The following DSE variants were observed in gnomAD, a reference collection of about 807,000 sequenced individuals.
DSE encodes the protein dermatan-sulfate epimerase.
A neutral mutation model predicts 84.4 loss-of-function variants in DSE; 36 were observed. The ratio of observed to expected loss-of-function variants is 0.43; its 90% CI spans 0.33 to 0.56. The LOEUF (loss-of-function observed/expected upper bound fraction) is 0.56, where lower values mean the gene tolerates loss of function less well. Ranked by LOEUF, DSE falls within the 20% of genes least tolerant of loss-of-function variation. The probability of loss-of-function intolerance (pLI) is 0.06; values close to 1 mark genes in which losing one functional copy is unlikely to be tolerated. For missense variants in DSE, 862 were observed against 1,169.6 expected, an observed-to-expected ratio of 0.74 and a Z score of 3.84; for synonymous variants, 410 against 430.1, an observed-to-expected ratio of 0.95 and a Z score of 0.58.
At chr6:116,333,116 A>G (rs565156400) in intron 2 of DSE, among the ~76,000 whole-genome samples, 107 of 152,354 alleles carry the variant, frequency 7.0e-4, no homozygotes, top group African/African-American at 2.5e-3. Flanking sequence ...AAAATTTTCA[A>G]TGAAAACGGA....
chr6:116,408,790 G>A (rs1782104854), intron 2 of DSE, among the ~76,000 whole-genome samples: 2 of 152,222 alleles, frequency 1.3e-5, no homozygotes, highest in African/African-American at 4.8e-5. Flanking sequence ...TCTCCTCCCT[G>A]ATCCCTTGAA....
chr6:116,321,337 A>T (rs1358085693), intron 2 of DSE, among the ~76,000 whole-genome samples: 41 of 115,510 alleles, frequency 3.5e-4, no homozygotes, highest in East Asian at 7.3e-4. Context: ...CTAATTTTTC[A>T]TTTTTTTTTT....
intron 2 of DSE, among the ~76,000 whole-genome samples, chr6:116,276,307 AAAG>A (rs1773140700): frequency 6.6e-6 from 1 of 152,212 alleles, no homozygotes; most frequent in African/African-American, 2.4e-5. Flanking sequence ...AAGTTAATAA[AAAG>A]AAGAGCCTGA....
chr6:116,346,667 T>C (rs1777994146), intron 2 of DSE, among the ~76,000 whole-genome samples: 1 of 152,196 alleles, frequency 6.6e-6, no homozygotes, highest in African/African-American at 2.4e-5. Flanking sequence ...AATATCATAC[T>C]GAATGGGCAA....
exon 2 of DSE, chr6:116,258,618 A>C (rs765858479): frequency 5.6e-6 from 9 of 1,612,412 alleles, no homozygotes; most frequent in Non-Finnish European, 7.6e-6. Context: ...CAATGGTCTT[A>C]ATGTTCCGGA....
intron 2 of DSE, among the ~76,000 whole-genome samples, chr6:116,266,706 C>T (rs1772643826): frequency 6.6e-6 from 1 of 152,022 alleles, no homozygotes; most frequent in East Asian, 1.9e-4. Context: ...AATTAGAAAG[C>T]TTTGTGTCAG....
intron 1 of DSE, among the ~76,000 whole-genome samples, chr6:116,386,347 C>G (rs1336828455): frequency 6.6e-6 from 1 of 152,200 alleles, no homozygotes; most frequent in Non-Finnish European, 1.5e-5. Flanking sequence ...CCAAGACCAC[C>G]ATCAGCCTTG....
intron 2 of DSE, among the ~76,000 whole-genome samples, chr6:116,410,549 C>T (rs987447016): frequency 3.3e-5 from 5 of 151,816 alleles, no homozygotes; most frequent in Admixed American, 6.6e-5. Context: ...ATGGCTAACA[C>T]GGTGAAACCC....
chr6:116,406,309 C>T (rs1301895906), intron 2 of DSE, among the ~76,000 whole-genome samples: 1 of 152,060 alleles, frequency 6.6e-6, no homozygotes, highest in Non-Finnish European at 1.5e-5. Flanking sequence ...TGCCCCTCAC[C>T]CCATATGAAC....
intron 2 of DSE, among the ~76,000 whole-genome samples, chr6:116,265,492 G>A (rs1448440791): frequency 1.3e-5 from 2 of 152,122 alleles, no homozygotes; most frequent in South Asian, 2.1e-4. Flanking sequence ...CCATACAGAC[G>A]TGCTAGCAAA....
intron 2 of DSE, among the ~76,000 whole-genome samples, chr6:116,407,339 G>A (rs2115014267): frequency 6.6e-6 from 1 of 152,296 alleles, no homozygotes; most frequent in East Asian, 1.9e-4. Context: ...TGGTTTGTGG[G>A]AGAGAAAAGA....
intron 2 of DSE, among the ~76,000 whole-genome samples, chr6:116,272,420 T>C (rs1403875352): frequency 6.6e-6 from 1 of 152,204 alleles, no homozygotes; most frequent in East Asian, 1.9e-4. Context: ...GGCAAGGGAA[T>C]TTCAAAGACA....
chr6:116,418,561 T>C (rs910643098), intron 2 of DSE, among the ~76,000 whole-genome samples: 10 of 152,196 alleles, frequency 6.6e-5, no homozygotes, highest in Admixed American at 1.3e-4. Context: ...AGAATGGCAG[T>C]ATCTCTTCTT....
intron 2 of DSE, among the ~76,000 whole-genome samples, chr6:116,339,410 G>A (rs1777459289): frequency 4.0e-5 from 6 of 151,818 alleles, no homozygotes; most frequent in Admixed American, 3.9e-4. Context: ...AAGGGAACTG[G>A]TAAATACAGT....
At chr6:116,389,757 A>G (rs896065241) in intron 1 of DSE, among the ~76,000 whole-genome samples, 3 of 152,204 alleles carry the variant, frequency 2.0e-5, no homozygotes, top group Admixed American at 2.0e-4. Flanking sequence ...TCATGGTTAA[A>G]GCTATTGCTG....
At chr6:116,302,736 A>G (rs1775112307) in intron 2 of DSE, among the ~76,000 whole-genome samples, 1 of 141,050 alleles carries the variant, frequency 7.1e-6, no homozygotes, top group South Asian at 2.7e-4. Context: ...CCTGAATGGT[A>G]TTGCCTAGGT....
chr6:116,275,673 G>A (rs1562195453), intron 2 of DSE, among the ~76,000 whole-genome samples: 1 of 152,186 alleles, frequency 6.6e-6, no homozygotes, highest in South Asian at 2.1e-4. Flanking sequence ...GGTAGCACGT[G>A]CCTGTAGTCC....
At chr6:116,292,744 A>G (rs12212556) in intron 2 of DSE, among the ~76,000 whole-genome samples, 35,772 of 152,158 alleles carry the variant, frequency 0.24, 5,641 homozygotes, top group Non-Finnish European at 0.36. Context: ...TGTTTATACA[A>G]CTGAATATTA....
intron 2 of DSE, among the ~76,000 whole-genome samples, chr6:116,296,449 A>C (rs1176043902): frequency 6.6e-6 from 1 of 152,148 alleles, no homozygotes; most frequent in East Asian, 1.9e-4. Context: ...TGATGCGAGG[A>C]GAAAGATAAT....
Sources: gnomAD v4.1 joint callset for allele counts (sites outside exome capture counted in the v4.1 genomes callset) on GRCh38, gnomAD v4.1.1 for gene constraint, MANE v1.5 for transcripts, NCBI Gene and HGNC (gene_info 2026-07-23, HGNC 2026-07-21) for gene names.